The following KLHL1 variants were observed in gnomAD, a reference collection of about 807,000 sequenced individuals.
The protein encoded by KLHL1 is kelch like family member 1.
KLHL1 carries 47 observed loss-of-function variants against 77.7 expected under a neutral mutation model. That is an observed-to-expected ratio of 0.60 (90% CI 0.48 to 0.77). The LOEUF (loss-of-function observed/expected upper bound fraction) is 0.77. KLHL1 is among the 30% of genes least tolerant of loss of function. KLHL1 has a pLI of 0.00. For synonymous variants in KLHL1, 360 were observed against 325.2 expected, an observed-to-expected ratio of 1.11 and a Z score of -1.15; for missense variants, 925 against 910.8, an observed-to-expected ratio of 1.02 and a Z score of -0.20.
intron 6 of KLHL1, among the ~76,000 whole-genome samples, chr13:69,829,413 A>C: frequency 6.7e-6 from 1 of 150,216 alleles, no homozygotes. Flanking sequence ...TCAAGGAATC[A>C]CTGTGCAGGA....
In KLHL1 at chr13:69,796,963, C is replaced by CTGA. The variant is rs1877135167; in HGVS notation, c.1415-4_1415-2dup. 6.2e-7 allele frequency: 1 copy of CTGA among 1,611,988 alleles called. No homozygotes were observed. The highest frequency in any genetic ancestry group is 1.1e-5 in the South Asian group (1 of 90,988). On this transcript the variant is annotated splice_acceptor_variant, in intron 6 of 10. Coordinates refer to ENST00000377844, the MANE Select transcript of KLHL1 (RefSeq NM_020866.3). LOFTEE classifies it high-confidence loss of function. ...TCATATTTCTCTATAGTTGTAGCTCCTGATAAAACATAAAATCAAAAAGTC... is the reference window on the plus strand; with the variant it reads ...TCATATTTCTCTATAGTTGTAGCTCCTGATGATAAAACATAAAATCAAAAAGTC...
chr13:69,893,421 A>G (rs1184270586), intron 4 of KLHL1, among the ~76,000 whole-genome samples: 1 of 151,938 alleles, frequency 6.6e-6, no homozygotes, highest in African/African-American at 2.4e-5. Flanking sequence ...TTTTTAGTAG[A>G]GACGGGGTTT....
At chr13:69,937,922 C>G (rs930828010) in intron 4 of KLHL1, among the ~76,000 whole-genome samples, 9 of 151,984 alleles carry the variant, frequency 5.9e-5, no homozygotes, top group African/African-American at 2.2e-4. Context: ...TGAAAGTGTT[C>G]CTTATGTATT....
chr13:69,960,577 C>G (rs1884031718), intron 3 of KLHL1, among the ~76,000 whole-genome samples: 1 of 151,982 alleles, frequency 6.6e-6, no homozygotes, highest in South Asian at 2.1e-4. Flanking sequence ...TAACATTTGG[C>G]ATTATATCAC....
Position 69,828,161 on chromosome 13 carries a change from A to G in KLHL1, c.1414+10815T>C, listed in dbSNP as rs545546290. Among the ~76,000 whole-genome samples, 46 of 150,528 alleles carry G rather than the reference A, an allele frequency of 3.1e-4. 4 individuals are homozygous for G. The highest frequency in any genetic ancestry group is 2.6e-3 in the Admixed American group (39 of 15,090). On this transcript the variant is annotated intron_variant, in intron 6 of 10. Transcript: ENST00000377844. Reference sequence around the variant, plus strand: ...CAAAGGAATTCACAGACCCTTTGAAAGAAGTGGCTTGCCACAGCACACTCC... The same window carrying G: ...CAAAGGAATTCACAGACCCTTTGAAGGAAGTGGCTTGCCACAGCACACTCC...
At chr13:69,819,193 T>C (rs1336308406) in intron 6 of KLHL1, among the ~76,000 whole-genome samples, 1 of 152,184 alleles carries the variant, frequency 6.6e-6, no homozygotes, top group Non-Finnish European at 1.5e-5. Flanking sequence ...ACAATACAGA[T>C]AATAATGCAA....
At chr13:70,082,639 G>C (rs1465088890) in intron 1 of KLHL1, among the ~76,000 whole-genome samples, 1 of 151,936 alleles carries the variant, frequency 6.6e-6, no homozygotes, top group South Asian at 2.1e-4. Context: ...TTAAATACAG[G>C]TACATGTGCA....
chr13:69,885,801 G>T (rs1194878561), intron 4 of KLHL1, among the ~76,000 whole-genome samples: 1 of 152,076 alleles, frequency 6.6e-6, no homozygotes. Context: ...AAAAAAGCTC[G>T]CCATATGGGA....
chr13:69,871,410 C>T (rs1880581564), intron 5 of KLHL1, among the ~76,000 whole-genome samples: 1 of 152,140 alleles, frequency 6.6e-6, no homozygotes, highest in African/African-American at 2.4e-5. Flanking sequence ...CCTGGATCCC[C>T]TTTAGTCACG....
At chr13:69,820,221 C>T (rs562247923) in intron 6 of KLHL1, among the ~76,000 whole-genome samples, 11 of 152,262 alleles carry the variant, frequency 7.2e-5, no homozygotes, top group Admixed American at 1.3e-4. Flanking sequence ...TTCTGATATA[C>T]GTGAATTTCA....
At chr13:69,992,163 T>G (rs1885043699) in intron 1 of KLHL1, among the ~76,000 whole-genome samples, 1 of 152,020 alleles carries the variant, frequency 6.6e-6, no homozygotes, top group African/African-American at 2.4e-5. Flanking sequence ...GAAATTATTT[T>G]AAATTTATGT....
At chr13:69,980,553 A>T (rs944093972) in intron 1 of KLHL1, among the ~76,000 whole-genome samples, 1 of 152,102 alleles carries the variant, frequency 6.6e-6, no homozygotes, top group Admixed American at 6.6e-5. Context: ...CATTCCACAC[A>T]CATATTTTTC....
chr13:69,822,240 C>T (rs914360133), intron 6 of KLHL1, among the ~76,000 whole-genome samples: 1 of 150,692 alleles, frequency 6.6e-6, no homozygotes, highest in African/African-American at 2.4e-5. Context: ...AAATTAGTAG[C>T]CACTCAATGA....
intron 4 of KLHL1, among the ~76,000 whole-genome samples, chr13:69,930,854 C>T (rs1312680274): frequency 6.6e-6 from 1 of 151,628 alleles, no homozygotes; most frequent in Non-Finnish European, 1.5e-5. Context: ...AATGCTGATA[C>T]AGGTGTCTAT....
At chr13:69,795,944 A>G (rs999686283) in intron 7 of KLHL1, among the ~76,000 whole-genome samples, 1 of 152,214 alleles carries the variant, frequency 6.6e-6, no homozygotes, top group Non-Finnish European at 1.5e-5. Flanking sequence ...TGCTTAATCA[A>G]TAATGTGAGA....
intron 5 of KLHL1, among the ~76,000 whole-genome samples, chr13:69,847,404 C>CAAAAAAAAAAAAAAAAAAAA (rs11357077): frequency 1.4e-5 from 2 of 145,856 alleles, no homozygotes; most frequent in Non-Finnish European, 3.0e-5. Context: ...ACTGCATTAG[C>CAAAAAAAAAAAAAAAAAAAA]AAAAAAAAAA....
At chr13:70,029,585 A>C (rs914184657) in intron 1 of KLHL1, among the ~76,000 whole-genome samples, 1 of 152,178 alleles carries the variant, frequency 6.6e-6, no homozygotes, top group Non-Finnish European at 1.5e-5. Flanking sequence ...GCCTGCCCTA[A>C]AAGAGCTCAT....
Position 69,872,303 on chromosome 13 carries a change from C to T in KLHL1, c.1227+9980G>A, listed in dbSNP as rs56293693. ...CAGTAATTTAATAAACATGAGCAAT[C>T]GGCCTGTTTTACAGCCTCCTGCCCT... On this transcript the variant is annotated intron_variant, in intron 5 of 10. Coordinates refer to ENST00000377844, the MANE Select transcript of KLHL1 (RefSeq NM_020866.3). Among the ~76,000 whole-genome samples, 745 of 152,216 alleles carry T rather than the reference C, an allele frequency of 4.9e-3. 8 individuals carry two copies. Among genetic ancestry groups the T allele is most frequent in the African/African-American group, 0.017 (704 of 41,534 alleles).
chr13:69,997,161 C>T (rs1158629787), intron 1 of KLHL1, among the ~76,000 whole-genome samples: 1 of 151,434 alleles, frequency 6.6e-6, no homozygotes, highest in African/African-American at 2.4e-5. Flanking sequence ...ACAGAGGTTG[C>T]AGTGAGCCAA....
Sources: allele counts gnomAD v4.1 joint callset (sites outside exome capture counted in the v4.1 genomes callset), GRCh38; gene constraint gnomAD v4.1.1; transcripts MANE v1.5; gene names NCBI Gene and HGNC (gene_info 2026-07-23, HGNC 2026-07-21).